The following MATR3 variants were observed in gnomAD, a reference collection of about 807,000 sequenced individuals.
The protein encoded by MATR3 is matrin-3.
Under a neutral mutation model 85.5 loss-of-function variants are expected in MATR3, and 4 were observed. That is an observed-to-expected ratio of 0.05 (90% CI 0.02 to 0.11). MATR3 has a LOEUF of 0.11. MATR3 is among the 10% of genes least tolerant of loss of function. The pLI is 1.00. For missense variants in MATR3, 685 were observed against 1,016.1 expected (o/e 0.67, Z 4.43); for synonymous variants, 336 against 343.1 (o/e 0.98, Z 0.23).
At chr5:139,294,038 C>T (rs1299034960) in intron 1 of MATR3, 4 of 1,275,718 alleles carry the variant, frequency 3.1e-6, no homozygotes, top group East Asian at 6.3e-5. Flanking sequence ...GGTGAGCGGT[C>T]CGGGAGGGAA....
At chr5:139,328,653 C>T (rs966737832) in intron 14 of MATR3, among the ~76,000 whole-genome samples, 4 of 152,284 alleles carry the variant, frequency 2.6e-5, no homozygotes, top group African/African-American at 9.6e-5. Context: ...CCCAATGAGT[C>T]TAAAATATTT....
chr5:139,315,422 TTCC>T (rs1460090931), intron 3 of MATR3: 1 of 377,704 alleles, frequency 2.6e-6, no homozygotes, highest in Non-Finnish European at 4.9e-6. Context: ...TGTGCGGCAC[TTCC>T]TCCTTACAAT....
chr5:139,321,127 G>A (rs767746235), intron 9 of MATR3, among the ~76,000 whole-genome samples: 7 of 151,870 alleles, frequency 4.6e-5, no homozygotes, highest in Non-Finnish European at 8.8e-5. Flanking sequence ...TGGGGATTTT[G>A]TAAATCTGAC....
intron 14 of MATR3, among the ~76,000 whole-genome samples, chr5:139,327,009 A>T (rs1357981989): frequency 6.6e-6 from 1 of 152,228 alleles, no homozygotes; most frequent in African/African-American, 2.4e-5. Context: ...AAGTATATAA[A>T]GATCAAAAGC....
At chr5:139,294,853 TGCTCTGTG>T (rs1179233550) in intron 1 of MATR3, 1 of 152,278 alleles carries the variant, frequency 6.6e-6, no homozygotes, top group Non-Finnish European at 1.5e-5. Context: ...GTGTTTATCC[TGCTCTGTG>T]GCCCTGTTCT....
At chr5:139,297,229 A>G (rs1305367649) in intron 1 of MATR3, among the ~76,000 whole-genome samples, 2 of 152,188 alleles carry the variant, frequency 1.3e-5, no homozygotes, top group African/African-American at 4.8e-5. Flanking sequence ...GACAGTGCTA[A>G]GTTTGTTGGG....
rs116101310 is a variant in MATR3 at position 139,303,979 on chromosome 5, T to C, written c.-177-3260T>C. Among the ~76,000 whole-genome samples the C allele has an allele frequency of 1.9e-3, 291 of 152,274 alleles. 1 individual carries two copies. The highest frequency in any genetic ancestry group is 6.8e-3 in the African/African-American group (281 of 41,562). ...AGAAATATTTTAGTACTCTAGTTCT[T>C]TTAATTGGAGAAGAAAAAGCCAATA... On this transcript the variant is annotated intron_variant, in intron 1 of 14. Transcript: ENST00000394805.
Position 139,331,415 on chromosome 5 carries a change from T to G in MATR3, c.*2020T>G, listed in dbSNP as rs780509770. 1 of 454,042 alleles carries G rather than the reference T, an allele frequency of 2.2e-6. No individual in the cohort carries two copies. The highest frequency in any genetic ancestry group is 2.0e-5 in the African/African-American group (1 of 50,018). 28.1% of individuals were successfully genotyped at this position (454,042 alleles called of 1,614,324 possible). Reference sequence around the variant, plus strand: ...GATGGCTTTTTCATAGCTTCAACTTTGTTGGATTTAGCAAGTTGAAGGAAA... The same window carrying G: ...GATGGCTTTTTCATAGCTTCAACTTGGTTGGATTTAGCAAGTTGAAGGAAA... On this transcript the variant is annotated 3_prime_UTR_variant, in exon 15 of 15. Transcript: ENST00000394805.
intron 9 of MATR3, chr5:139,321,656 T>A: frequency 1.9e-6 from 1 of 517,344 alleles, no homozygotes; most frequent in South Asian, 2.2e-5. Context: ...TGGTGGTGCA[T>A]GCCTGTAGAC....
intron 2 of MATR3, chr5:139,313,226 C>G (rs895455658): frequency 2.0e-5 from 3 of 151,440 alleles, no homozygotes; most frequent in African/African-American, 7.3e-5. Flanking sequence ...GTGGGTGTTA[C>G]AGAAATTACC....
chr5:139,329,912 G>A lies in MATR3; in HGVS notation c.*517G>A. On this transcript the variant is annotated 3_prime_UTR_variant, in exon 15 of 15. Transcript: ENST00000394805. ...TTAACGTGAGATTGGCAATTGAAAT[G>A]CAGGTGCAGTTTTCTGTTAATGTCA... 2.2e-6 allele frequency: 1 copy of A among 454,528 alleles called. No individual in the cohort carries two copies. The highest frequency in any genetic ancestry group is 1.6e-5 in the South Asian group (1 of 64,480). 28.2% of individuals were successfully genotyped at this position (454,528 alleles called of 1,614,324 possible). A position where few individuals can be genotyped will look rare whatever the true frequency, so the allele number is the denominator to read the frequency against.
chr5:139,301,569 G>A (rs1017182555), intron 1 of MATR3, among the ~76,000 whole-genome samples: 2 of 151,958 alleles, frequency 1.3e-5, no homozygotes, highest in Non-Finnish European at 2.9e-5. Flanking sequence ...TGATCCTCTC[G>A]CCTCGGCCTC....
intron 4 of MATR3, 29 bp downstream of exon 4, chr5:139,315,767 G>C: frequency 6.5e-7 from 1 of 1,542,208 alleles, no homozygotes; most frequent in Non-Finnish European, 9.0e-7. Context: ...GCTACCATTT[G>C]TAAAGGAGAT....
chr5:139,293,342 T>C (rs1753946797), upstream of MATR3: 1 of 152,220 alleles, frequency 6.6e-6, no homozygotes, highest in South Asian at 2.1e-4. Context: ...CTTTCCACCA[T>C]TCCTTGGCAA....
chr5:139,306,874 T>C (rs1754738326), intron 1 of MATR3, among the ~76,000 whole-genome samples: 1 of 152,168 alleles, frequency 6.6e-6, no homozygotes, highest in Non-Finnish European at 1.5e-5. Flanking sequence ...TTGTTTTTAG[T>C]CTTCTGGAAC....
upstream of MATR3, among the ~76,000 whole-genome samples, chr5:139,291,545 A>AT (rs1006908057): frequency 1.3e-5 from 2 of 151,328 alleles, no homozygotes; most frequent in Non-Finnish European, 3.0e-5. Context: ...TGGTAACTTC[A>AT]TTTTTTTTTG....
At chr5:139,295,823 CT>C (rs1277700040) in intron 1 of MATR3, among the ~76,000 whole-genome samples, 10 of 151,972 alleles carry the variant, frequency 6.6e-5, no homozygotes, top group Admixed American at 1.3e-4. Context: ...GGTCTTGGAT[CT>C]TTTTTTTCTC....
At chr5:139,324,287 ATTG>A (rs1158108494) in intron 12 of MATR3, among the ~76,000 whole-genome samples, 2 of 109,362 alleles carry the variant, frequency 1.8e-5, no homozygotes, top group Non-Finnish European at 3.9e-5. Context: ...TCAGAGCATG[ATTG>A]TTTTTTTTTT....
At chr5:139,315,552 T>G (rs1017951569) in intron 3 of MATR3, 145 bp from the exon 4 acceptor site, 1 of 588,028 alleles carries the variant, frequency 1.7e-6, no homozygotes, top group Non-Finnish European at 3.1e-6. Context: ...GAAATATCTA[T>G]TGGAAATGCT....
Sources: allele counts gnomAD v4.1 joint callset (sites outside exome capture counted in the v4.1 genomes callset), GRCh38; gene constraint gnomAD v4.1.1; transcripts MANE v1.5; gene names NCBI Gene and HGNC (gene_info 2026-07-23, HGNC 2026-07-21).